The following COL6A6 variants were observed in gnomAD, a reference collection of about 807,000 sequenced individuals.
COL6A6 encodes collagen type VI alpha 6 chain.
In COL6A6, 183 loss-of-function variants were observed where a neutral mutation model predicts 208.6. The observed-to-expected ratio is 0.88, with a 90% CI of 0.78 to 0.99. The LOEUF (loss-of-function observed/expected upper bound fraction) is 0.99, where lower values mean the gene tolerates loss of function less well. COL6A6 is among the 50% of genes least tolerant of loss of function. COL6A6 has a pLI of 0.00. For missense variants in COL6A6, 2,816 were observed against 2,815.2 expected, an observed-to-expected ratio of 1.00 and a Z score of -0.01; for synonymous variants, 973 against 1,011.8, an observed-to-expected ratio of 0.96 and a Z score of 0.73.
chr3:130,600,504 G>T (rs1380759094), intron 20 of COL6A6, among the ~76,000 whole-genome samples: 2 of 152,070 alleles, frequency 1.3e-5, no homozygotes, highest in Non-Finnish European at 2.9e-5. Flanking sequence ...AGAAAATGTT[G>T]TACATATACA....
At chr3:130,610,452 AT>A (rs1461395944) in intron 22 of COL6A6, among the ~76,000 whole-genome samples, 196 bp from the exon 23 acceptor site, 1 of 152,188 alleles carries the variant, frequency 6.6e-6, no homozygotes, top group East Asian at 1.9e-4. Context: ...AACTGCCTAA[AT>A]TTCAGATTGG....
At chr3:130,636,359 G>A (rs1242444527) in intron 28 of COL6A6, among the ~76,000 whole-genome samples, 2 of 152,176 alleles carry the variant, frequency 1.3e-5, no homozygotes, top group East Asian at 3.9e-4. Flanking sequence ...CTTGCCTTGG[G>A]TTCCTGTGGA....
chr3:130,570,786 T>C, intron 6 of COL6A6, 32 bp from the exon 7 acceptor site: 1 of 1,547,266 alleles, frequency 6.5e-7, no homozygotes. Flanking sequence ...AAAGCTAATC[T>C]CATATGGTTT....
In COL6A6 at chr3:130,592,451, T is replaced by C. The variant is rs565393688; in HGVS notation, c.4273-90T>C. Reference sequence around the variant, plus strand: ...GATTGTGAACCATGAGCATTCACACTTTTTTTGGTAACAAAAAACTTGTCA... The same window carrying C: ...GATTGTGAACCATGAGCATTCACACCTTTTTTGGTAACAAAAAACTTGTCA... On this transcript the variant is annotated intron_variant, in intron 13 of 36. Transcript: ENST00000358511. The C allele has an allele frequency of 1.1e-5, 11 of 983,340 alleles. No individual in the cohort carries two copies. The East Asian group carries it at 1.8e-4, about 16-fold the overall frequency. The allele number at this position is 983,340 out of a possible 1,614,324, so 60.9% of individuals were successfully genotyped here.
chr3:130,559,419 C>G (rs2062832747), intron 1 of COL6A6, among the ~76,000 whole-genome samples: 1 of 152,104 alleles, frequency 6.6e-6, no homozygotes, highest in Non-Finnish European at 1.5e-5. Flanking sequence ...GGTGAGGAAA[C>G]AGGGATGGAA....
intron 11 of COL6A6, among the ~76,000 whole-genome samples, chr3:130,587,934 TCAAA>T (rs1172157202): frequency 2.6e-5 from 4 of 152,212 alleles, no homozygotes; most frequent in African/African-American, 9.7e-5. Context: ...AAATTCTTCT[TCAAA>T]CAAACCTCTC....
intron 23 of COL6A6, among the ~76,000 whole-genome samples, chr3:130,621,593 A>G (rs2064718037): frequency 6.6e-6 from 1 of 152,232 alleles, no homozygotes; most frequent in Non-Finnish European, 1.5e-5. Context: ...GAGAAAACTC[A>G]CAAGGAAGCA....
In COL6A6 at chr3:130,598,226, G is replaced by A. The variant is rs2063904090; in HGVS notation, c.4534-139G>A. The A allele has an allele frequency of 1.5e-5, 9 of 595,282 alleles. 1 individual carries two copies. The South Asian group carries it at 2.2e-4, about 14-fold the overall frequency. 36.9% of individuals were successfully genotyped at this position (595,282 alleles called of 1,614,324 possible). A position where few individuals can be genotyped will look rare whatever the true frequency, so the allele number is the denominator to read the frequency against. On this transcript the variant is annotated intron_variant, in intron 18 of 36. Coordinates refer to ENST00000358511, the MANE Select transcript of COL6A6 (RefSeq NM_001102608.3). Reference sequence around the variant, plus strand: ...AAAAGAAAATACTTGTAAGCCATCTGTAATTTTAACCTATTTCTGCTTTCA... The same window carrying A: ...AAAAGAAAATACTTGTAAGCCATCTATAATTTTAACCTATTTCTGCTTTCA...
intron 23 of COL6A6, among the ~76,000 whole-genome samples, chr3:130,614,132 T>G (rs1179419396): frequency 6.6e-6 from 1 of 152,204 alleles, no homozygotes; most frequent in Non-Finnish European, 1.5e-5. Context: ...CTATTCAGTA[T>G]GATATTAGCT....
At chr3:130,567,337 T>C in intron 5 of COL6A6, 75 bp downstream of exon 5, 2 of 1,164,438 alleles carry the variant, frequency 1.7e-6, no homozygotes, top group Non-Finnish European at 2.4e-6. Context: ...ACATTGCTGG[T>C]TTAGAAAAAC....
Position 130,574,219 on chromosome 3 carries a change from G to A in COL6A6, c.3241G>A (p.Ala1081Thr). 3.7e-6 allele frequency: 6 copies of A among 1,614,032 alleles called. No homozygotes were observed. Among genetic ancestry groups the A allele is most frequent in the Non-Finnish European group, 5.1e-6 (6 of 1,179,904 alleles). Residue 1081 changes from alanine (A) to threonine (T), a missense_variant, in exon 8 of 37, where the codon GCT (alanine) becomes ACT (threonine). Ala to Thr is a moderately conservative substitution (Grantham distance 58, BLOSUM62 0). Coordinates refer to ENST00000358511, the MANE Select transcript of COL6A6 (RefSeq NM_001102608.3). ...GATCTTTGGAAACACACACATCGGTGCTGCACTCAGGGAGGTGGAACATTA... is the reference window on the plus strand; with the variant it reads ...GATCTTTGGAAACACACACATCGGTACTGCACTCAGGGAGGTGGAACATTA... ...KQIFGNTHIG[A>T]ALREVEHYFR... is the part of the protein sequence containing the mutation.
intron 1 of COL6A6, among the ~76,000 whole-genome samples, chr3:130,536,829 C>G (rs547595075): frequency 6.6e-6 from 1 of 152,310 alleles, no homozygotes; most frequent in Admixed American, 6.5e-5. Context: ...TAAAATGAAG[C>G]ACACTTGAAT....
At position 130,652,943 on chromosome 3, in the gene COL6A6, C is replaced by T. The variant is rs74578467; in HGVS notation, c.5733+3381C>T. Reference sequence around the variant, plus strand: ...ATGTGTGTTGGGACTCAGAAGCACCCGCTCTGACAGCATATACTGATTTCC... The same window carrying T: ...ATGTGTGTTGGGACTCAGAAGCACCTGCTCTGACAGCATATACTGATTTCC... On this transcript the variant is annotated intron_variant, in intron 33 of 36. Transcript: ENST00000358511. Among the ~76,000 whole-genome samples the T allele has an allele frequency of 8.4e-3, 1,279 of 152,246 alleles. 20 individuals are homozygous for T. Among genetic ancestry groups the T allele is most frequent in the East Asian group, 0.053 (276 of 5,190 alleles).
At chr3:130,567,564 T>G (rs1403255620) in intron 5 of COL6A6, among the ~76,000 whole-genome samples, 1 of 152,226 alleles carries the variant, frequency 6.6e-6, no homozygotes, top group Non-Finnish European at 1.5e-5. Context: ...ATAAAATGAT[T>G]TCAGATTGTA....
intron 4 of COL6A6, 78 bp from the exon 5 acceptor site, chr3:130,566,624 T>C: frequency 8.2e-7 from 1 of 1,220,614 alleles, no homozygotes; most frequent in Non-Finnish European, 1.1e-6. Context: ...GGTTCATATT[T>C]GTTCTTCTTT....
chr3:130,520,325 G>T (rs1317113143), intron 1 of COL6A6, among the ~76,000 whole-genome samples: 1 of 152,176 alleles, frequency 6.6e-6, no homozygotes, highest in Non-Finnish European at 1.5e-5. Context: ...AGGCATAAAT[G>T]ATCCTTTACA....
intron 23 of COL6A6, among the ~76,000 whole-genome samples, chr3:130,618,957 A>G (rs979548927): frequency 6.6e-6 from 1 of 152,224 alleles, no homozygotes; most frequent in Admixed American, 6.5e-5. Context: ...TCCAATTTAT[A>G]CATTGCTTTT....
At chr3:130,620,306 G>A (rs979887503) in intron 23 of COL6A6, among the ~76,000 whole-genome samples, 3 of 152,176 alleles carry the variant, frequency 2.0e-5, no homozygotes, top group Admixed American at 2.0e-4. Flanking sequence ...AGAGGATGGA[G>A]CCCTGGGGCA....
intron 3 of COL6A6, 121 bp from the exon 4 acceptor site, chr3:130,564,873 G>A (rs1223478618): frequency 1.8e-6 from 2 of 1,106,374 alleles, no homozygotes; most frequent in Admixed American, 4.6e-5. Context: ...ATAATTATTT[G>A]TCTACCTCCT....
Sources: gnomAD v4.1 joint callset for allele counts (sites outside exome capture counted in the v4.1 genomes callset) on GRCh38, gnomAD v4.1.1 for gene constraint, MANE v1.5 for transcripts, NCBI Gene and HGNC (gene_info 2026-07-23, HGNC 2026-07-21) for gene names.